The following RAD51B variants were observed in gnomAD, a reference collection of about 807,000 sequenced individuals.
RAD51B encodes RAD51 paralog B, also known as DNA repair protein RAD51 homolog 2.
RAD51B carries 38 observed loss-of-function variants against 42.2 expected under a neutral mutation model. That is an observed-to-expected ratio of 0.90 (90% confidence interval 0.70 to 1.18). The LOEUF is 1.18. RAD51B is among the 50% of genes most tolerant of loss of function. The pLI is 0.00. For missense variants in RAD51B, 373 were observed against 400.7 expected, an observed-to-expected ratio of 0.93 and a Z score of 0.59; for synonymous variants, 154 against 145.2, an observed-to-expected ratio of 1.06 and a Z score of -0.43.
intron 7 of RAD51B, among the ~76,000 whole-genome samples, chr14:68,106,726 T>C (rs2077382546): frequency 6.6e-6 from 1 of 151,890 alleles, no homozygotes; most frequent in Non-Finnish European, 1.5e-5. Context: ...GTGATGATGA[T>C]GATGATAACC....
chr14:68,570,034 T>A (rs1268020837), intron 10 of RAD51B, among the ~76,000 whole-genome samples: 1 of 152,260 alleles, frequency 6.6e-6, no homozygotes, highest in Non-Finnish European at 1.5e-5. Context: ...ATAACATTCC[T>A]TTCCTGACAG....
chr14:68,122,741 A>G (rs1644736105), intron 7 of RAD51B, among the ~76,000 whole-genome samples: 1 of 152,218 alleles, frequency 6.6e-6, no homozygotes, highest in Non-Finnish European at 1.5e-5. Flanking sequence ...AAGTATAGTT[A>G]TTGCATCAAT....
chr14:68,432,574 T>C (rs1243875815), intron 9 of RAD51B, among the ~76,000 whole-genome samples: 1 of 152,134 alleles, frequency 6.6e-6, no homozygotes, highest in African/African-American at 2.4e-5. Context: ...GGATTGCAAC[T>C]CCTGCCTTTT....
Position 68,493,544 on chromosome 14 carries a change from C to T in RAD51B, c.1036+25294C>T, listed in dbSNP as rs544048087. ...ATTTGCAACTTGCACATTTGTTGTG[C>T]TTTCCATATACCCACGATTAGCTCG... On this transcript the variant is annotated intron_variant, in intron 10 of 10. Transcript: ENST00000487270. Among the ~76,000 whole-genome samples the T allele has an allele frequency of 5.9e-5, 9 of 152,346 alleles. No individual in the cohort carries two copies. The East Asian group carries it at 1.7e-3, about 29-fold the overall frequency.
chr14:68,258,275 C>T (rs1407335196), intron 7 of RAD51B, among the ~76,000 whole-genome samples: 2 of 152,058 alleles, frequency 1.3e-5, no homozygotes, highest in South Asian at 2.1e-4. Flanking sequence ...GTGGTGTTCA[C>T]TTATAGTCCC....
At chr14:68,314,201 G>C (rs1419956954) in intron 8 of RAD51B, among the ~76,000 whole-genome samples, 1 of 152,094 alleles carries the variant, frequency 6.6e-6, no homozygotes, top group Non-Finnish European at 1.5e-5. Flanking sequence ...CCTGCCTCGA[G>C]GAAAATAAGC....
chr14:68,012,187 T>G lies in RAD51B; in HGVS notation c.756+124983T>G, dbSNP rs2075695297. Among the ~76,000 whole-genome samples, 4 of 152,270 alleles carry G rather than the reference T, an allele frequency of 2.6e-5. No individual in the cohort carries two copies. The South Asian group carries it at 8.3e-4, about 32-fold the overall frequency. On this transcript the variant is annotated intron_variant, in intron 7 of 10. Transcript: ENST00000471583. The stretch of plus-strand genomic sequence containing the variant: ...AGTTCAGGGAAGCTTGTACTTTTAG[T>G]GGATAATAATAAGCTAGAGCAAGAA...
intron 7 of RAD51B, among the ~76,000 whole-genome samples, chr14:67,977,013 G>C (rs1025900099): frequency 3.3e-5 from 5 of 152,176 alleles, no homozygotes; most frequent in African/African-American, 9.7e-5. Context: ...AAACCACAAT[G>C]AGATACCATC....
chr14:68,246,831 T>A (rs1179997474), intron 7 of RAD51B, among the ~76,000 whole-genome samples: 1 of 152,214 alleles, frequency 6.6e-6, no homozygotes, highest in African/African-American at 2.4e-5. Context: ...TCTTTGCAAT[T>A]TTGAAAGGCC....
chr14:68,070,452 G>T (rs2076723329), intron 7 of RAD51B, among the ~76,000 whole-genome samples: 2 of 151,946 alleles, frequency 1.3e-5, no homozygotes, highest in African/African-American at 4.8e-5. Context: ...AGTTGATTTT[G>T]GTACACAGTG....
In RAD51B at chr14:68,581,498, A is replaced by G. The variant is rs143863076; in HGVS notation, c.1037-12987A>G. Among the ~76,000 whole-genome samples, 115 of 152,224 alleles carry G rather than the reference A, an allele frequency of 7.6e-4. 2 individuals are homozygous for G. The East Asian group carries it at 0.013, about 18-fold the overall frequency. ...GATGTAATCTCATCATAAGTCAAGG[A>G]GCATCTGTACAACAAGCAGTCTGAG... On this transcript the variant is annotated intron_variant, in intron 10 of 10. Transcript: ENST00000487270.
downstream of RAD51B, among the ~76,000 whole-genome samples, chr14:68,596,891 C>T (rs1308385569): frequency 1.3e-5 from 2 of 152,176 alleles, no homozygotes; most frequent in African/African-American, 4.8e-5. Context: ...GTGCAGCTGT[C>T]CTCCTGGCCG....
intron 8 of RAD51B, among the ~76,000 whole-genome samples, chr14:68,325,194 G>T (rs2082226074): frequency 6.6e-6 from 1 of 152,150 alleles, no homozygotes; most frequent in Admixed American, 6.5e-5. Flanking sequence ...GATAATAGTA[G>T]TACCTACCTA....
At chr14:68,541,185 G>A (rs375592861) in intron 10 of RAD51B, 2 of 985,312 alleles carry the variant, frequency 2.0e-6, no homozygotes, top group African/African-American at 3.5e-5. Flanking sequence ...ACCAGGGAGA[G>A]GCTGCAGATC....
chr14:68,297,284 C>T (rs2081633815), intron 8 of RAD51B, among the ~76,000 whole-genome samples: 2 of 152,212 alleles, frequency 1.3e-5, no homozygotes, highest in East Asian at 1.9e-4. Flanking sequence ...TCTGGATTTA[C>T]TGCAGGATGT....
At chr14:68,548,397 GC>G (rs532549872) in intron 10 of RAD51B, among the ~76,000 whole-genome samples, 382 of 152,320 alleles carry the variant, frequency 2.5e-3, no homozygotes, top group Middle Eastern at 3.4e-3. Flanking sequence ...CTTGTTTAGT[GC>G]TTGGCTTGGC....
chr14:68,241,863 G>A (rs1241056588), intron 7 of RAD51B, among the ~76,000 whole-genome samples: 3 of 152,092 alleles, frequency 2.0e-5, no homozygotes, highest in Non-Finnish European at 4.4e-5. Flanking sequence ...TTTGAGCTGT[G>A]CAACCTTGGG....
chr14:68,191,895 CTG>C (rs958601415), intron 7 of RAD51B, among the ~76,000 whole-genome samples: 1 of 152,194 alleles, frequency 6.6e-6, no homozygotes, highest in Non-Finnish European at 1.5e-5. Flanking sequence ...TTTACTCAGA[CTG>C]TTCACAAATG....
chr14:67,910,913 G>A (rs1296959954), intron 7 of RAD51B, among the ~76,000 whole-genome samples: 1 of 151,708 alleles, frequency 6.6e-6, no homozygotes, highest in Non-Finnish European at 1.5e-5. Flanking sequence ...CCAGGTTCAA[G>A]CATTTCTCTT....
Sources: allele counts gnomAD v4.1 joint callset (sites outside exome capture counted in the v4.1 genomes callset), GRCh38; gene constraint gnomAD v4.1.1; transcripts MANE v1.5; gene names NCBI Gene and HGNC (gene_info 2026-07-23, HGNC 2026-07-21).